Variants in EPHB1 observed in about 807,000 individuals in gnomAD.
The protein encoded by EPHB1 is ephrin type-B receptor 1.
Under a neutral mutation model 94.4 loss-of-function variants are expected in EPHB1, and 30 were observed. The observed-to-expected ratio is 0.32, with a 90% confidence interval of 0.24 to 0.43. EPHB1 has a LOEUF of 0.43. Among genes scored for constraint, EPHB1 ranks in the 20% least tolerant of loss-of-function variants. The pLI is 1.00. For missense variants in EPHB1, 1,055 were observed against 1,308.3 expected, an observed-to-expected ratio of 0.81 and a Z score of 2.99; for synonymous variants, 522 against 489.1, an observed-to-expected ratio of 1.07 and a Z score of -0.89.
At chr3:135,081,924 GAGA>G (rs1315150538) in intron 3 of EPHB1, among the ~76,000 whole-genome samples, 1 of 152,004 alleles carries the variant, frequency 6.6e-6, no homozygotes, top group Non-Finnish European at 1.5e-5. Context: ...AGGGAAAGAG[GAGA>G]AGAAGAGGAG....
At chr3:135,052,860 C>CAAAAA (rs1193207059) in intron 3 of EPHB1, among the ~76,000 whole-genome samples, 221 of 12,098 alleles carry the variant, frequency 0.018, 85 homozygotes, top group East Asian at 0.054. Context: ...GACTCCGTCT[C>CAAAAA]AAAAAAAAAA....
chr3:134,971,995 TCC>T (rs1933987892), intron 3 of EPHB1, among the ~76,000 whole-genome samples: 1 of 152,154 alleles, frequency 6.6e-6, no homozygotes, highest in African/African-American at 2.4e-5. Context: ...TAATGAAGAC[TCC>T]CATTAACACT....
intron 12 of EPHB1, among the ~76,000 whole-genome samples, chr3:135,207,056 A>G (rs753312496): frequency 1.3e-5 from 2 of 152,252 alleles, no homozygotes; most frequent in Non-Finnish European, 2.9e-5. Context: ...CTTTAGGAAG[A>G]TTAACATTTC....
intron 10 of EPHB1, among the ~76,000 whole-genome samples, chr3:135,186,503 A>G (rs1406856354): frequency 6.6e-6 from 1 of 152,140 alleles, no homozygotes; most frequent in Non-Finnish European, 1.5e-5. Flanking sequence ...TAAAAATTCC[A>G]TTTCTGGTGT....
chr3:135,008,105 C>T (rs2107747247), intron 3 of EPHB1, among the ~76,000 whole-genome samples: 1 of 152,142 alleles, frequency 6.6e-6, no homozygotes, highest in East Asian at 1.9e-4. Context: ...CTCTAACTAC[C>T]AAGGAAGAAC....
At chr3:134,930,094 C>A (rs2038875493) in intron 2 of EPHB1, among the ~76,000 whole-genome samples, 1 of 152,192 alleles carries the variant, frequency 6.6e-6, no homozygotes, top group African/African-American at 2.4e-5. Context: ...TTGCAATGGG[C>A]CCCATCCACA....
At chr3:135,196,661 A>G (rs16842793) in intron 11 of EPHB1, among the ~76,000 whole-genome samples, 12,457 of 152,038 alleles carry the variant, frequency 0.082, 1,723 homozygotes, top group African/African-American at 0.28. Context: ...TAATTTTAGG[A>G]TCACTACTCA....
intron 3 of EPHB1, among the ~76,000 whole-genome samples, chr3:135,008,952 C>T (rs895663446): frequency 3.9e-5 from 6 of 152,168 alleles, no homozygotes; most frequent in Non-Finnish European, 8.8e-5. Context: ...GCATTCAGTG[C>T]GGCCAGGCCC....
intron 3 of EPHB1, among the ~76,000 whole-genome samples, chr3:135,040,385 C>T (rs1325106286): frequency 6.6e-6 from 1 of 152,216 alleles, no homozygotes; most frequent in Non-Finnish European, 1.5e-5. Flanking sequence ...GGAATAGCTC[C>T]CCACATGCAG....
chr3:134,885,260 G>T (rs1214593823), intron 1 of EPHB1, among the ~76,000 whole-genome samples: 1 of 152,162 alleles, frequency 6.6e-6, no homozygotes, highest in African/African-American at 2.4e-5. Flanking sequence ...TCCAAAATGA[G>T]ACACAGAAAG....
chr3:135,126,851 T>A (rs7625747), intron 4 of EPHB1, among the ~76,000 whole-genome samples: 1 of 152,208 alleles, frequency 6.6e-6, no homozygotes, highest in African/African-American at 2.4e-5. Context: ...TTCCATGACC[T>A]CACGGCTTTC....
rs570989445 is a variant in EPHB1, at chr3:135,034,520, C to A, written c.806-71928C>A. ...TTCTGACTGCTCTGAGAGGCAGGTGCTGTCTGCCTGGGGGAGGATTAGAGG... is the reference window on the plus strand; with the variant it reads ...TTCTGACTGCTCTGAGAGGCAGGTGATGTCTGCCTGGGGGAGGATTAGAGG... On this transcript the variant is annotated intron_variant, in intron 3 of 15. Transcript: ENST00000398015. Among the ~76,000 whole-genome samples the A allele has an allele frequency of 2.0e-4, 30 of 152,374 alleles. No homozygotes were observed. In the South Asian group the frequency reaches 5.8e-3, roughly 29 times the overall value.
intron 1 of EPHB1, among the ~76,000 whole-genome samples, chr3:134,847,594 G>A (rs895906904): frequency 6.6e-6 from 1 of 152,178 alleles, no homozygotes; most frequent in African/African-American, 2.4e-5. Context: ...ACAGTAAGGT[G>A]CTGACTAAGT....
At chr3:135,030,131 T>C (rs1009345281) in intron 3 of EPHB1, among the ~76,000 whole-genome samples, 18 of 151,820 alleles carry the variant, frequency 1.2e-4, no homozygotes, top group African/African-American at 4.4e-4. Context: ...TCTTCTAAAT[T>C]TTTTTCAAAG....
At chr3:134,812,344 A>C (rs2036194439) in intron 1 of EPHB1, among the ~76,000 whole-genome samples, 1 of 152,202 alleles carries the variant, frequency 6.6e-6, no homozygotes, top group Non-Finnish European at 1.5e-5. Flanking sequence ...CTTTTCTAAA[A>C]GCTCATAGAA....
chr3:134,819,018 A>G (rs1234942305), intron 1 of EPHB1, among the ~76,000 whole-genome samples: 3 of 152,198 alleles, frequency 2.0e-5, no homozygotes, highest in Admixed American at 6.5e-5. Context: ...AGCTGATTCA[A>G]TCTTCAGACT....
chr3:135,117,432 A>G (rs546054401), intron 4 of EPHB1, among the ~76,000 whole-genome samples: 1 of 152,350 alleles, frequency 6.6e-6, no homozygotes, highest in Admixed American at 6.5e-5. Context: ...TGGACTTTCC[A>G]ATGTATAAAT....
At chr3:135,256,932 C>T (rs1272458711) in intron 15 of EPHB1, among the ~76,000 whole-genome samples, 299 of 134,974 alleles carry the variant, frequency 2.2e-3, no homozygotes, top group East Asian at 5.3e-3. Context: ...ATTCTTTTTT[C>T]TCTAAACTTC....
intron 4 of EPHB1, among the ~76,000 whole-genome samples, chr3:135,119,276 C>T (rs922328620): frequency 6.6e-6 from 1 of 152,116 alleles, no homozygotes; most frequent in East Asian, 1.9e-4. Context: ...ATTTTTAACT[C>T]TGTGGATACT....
Sources: allele counts gnomAD v4.1 joint callset (sites outside exome capture counted in the v4.1 genomes callset), GRCh38; gene constraint gnomAD v4.1.1; transcripts MANE v1.5; gene names NCBI Gene and HGNC (gene_info 2026-07-23, HGNC 2026-07-21).